The following SERPINE3 variants were observed in gnomAD, a reference collection of about 807,000 sequenced individuals.
SERPINE3 encodes the protein serpin E3.
In SERPINE3, 43 loss-of-function variants were observed where a neutral mutation model predicts 41.7. That is an observed-to-expected ratio of 1.03 (90% CI 0.81 to 1.33). The LOEUF is 1.33. SERPINE3 is among the 40% of genes most tolerant of loss of function. The probability of loss-of-function intolerance (pLI) is 0.00; values close to 1 mark genes in which losing one functional copy is unlikely to be tolerated. For missense variants in SERPINE3, 440 were observed against 491.7 expected, an observed-to-expected ratio of 0.89 and a Z score of 0.99; for synonymous variants, 200 against 192.2, an observed-to-expected ratio of 1.04 and a Z score of -0.34.
At position 51,340,852 on chromosome 13, in the gene SERPINE3, A is replaced by G; in HGVS notation, c.-27A>G. On this transcript the variant is annotated 5_prime_UTR_variant, in exon 2 of 10. Transcript: ENST00000681248. Reference sequence around the variant, plus strand: ...CTTCAGACCCACAGTTTGGCTGCCAAAGGACCACAGTGAGTATTTCTAATG... The same window carrying G: ...CTTCAGACCCACAGTTTGGCTGCCAGAGGACCACAGTGAGTATTTCTAATG... The G allele has an allele frequency of 1.8e-6, 1 of 568,982 alleles. No individual in the cohort carries two copies. The highest frequency in any genetic ancestry group is 2.2e-5 in the South Asian group (1 of 45,254). The allele number at this position is 568,982 out of a possible 1,614,324, so 35.2% of individuals were successfully genotyped here. A position where few individuals can be genotyped will look rare whatever the true frequency, so the allele number is the denominator to read the frequency against.
chr13:51,350,831 T>C (rs1327685226), intron 6 of SERPINE3, among the ~76,000 whole-genome samples: 1 of 152,128 alleles, frequency 6.6e-6, no homozygotes, highest in Non-Finnish European at 1.5e-5. Context: ...CTGATCTATT[T>C]GCTCTCAATA....
chr13:51,344,525 G>T, intron 4 of SERPINE3, 40 bp downstream of exon 4: 1 of 1,472,542 alleles, frequency 6.8e-7, no homozygotes. Context: ...CTAAGGCAGA[G>T]GGCTGCAGAG....
chr13:51,342,434 A>G (rs1350443659), intron 3 of SERPINE3, among the ~76,000 whole-genome samples: 1 of 152,226 alleles, frequency 6.6e-6, no homozygotes, highest in Non-Finnish European at 1.5e-5. Context: ...AAAAGCATTC[A>G]GTGTGATCAG....
At chr13:51,360,420 T>C in intron 7 of SERPINE3, among the ~76,000 whole-genome samples, 1 of 152,044 alleles carries the variant, frequency 6.6e-6, no homozygotes, top group Non-Finnish European at 1.5e-5. Flanking sequence ...CACTCTAAAA[T>C]GAAAGGATTG....
At chr13:51,361,507 A>C in intron 8 of SERPINE3, 143 bp downstream of exon 8, 1 of 639,152 alleles carries the variant, frequency 1.6e-6, no homozygotes, top group Non-Finnish European at 2.7e-6. Context: ...GGAACACTAA[A>C]GAAAACAAAA....
In SERPINE3 at chr13:51,344,488, A is replaced by G. The variant is rs1226172198; in HGVS notation, c.490+3A>G. ...AGGGGCCTCCAGAGAGACTGCAGGT[A>G]AAAGAAAACTGTACATTTCAACAAG... On this transcript the variant is annotated splice_donor_region_variant and intron_variant, in intron 4 of 9. Transcript: ENST00000681248. 6.4e-7 allele frequency: 1 copy of G among 1,561,676 alleles called. No homozygotes were observed. The highest frequency in any genetic ancestry group is 8.7e-7 in the Non-Finnish European group (1 of 1,150,718).
At chr13:51,359,623 TAC>T (rs1955530959) in intron 7 of SERPINE3, among the ~76,000 whole-genome samples, 1 of 152,118 alleles carries the variant, frequency 6.6e-6, no homozygotes, top group South Asian at 2.1e-4. Context: ...CCCAGACTAA[TAC>T]AGACACATTT....
intron 6 of SERPINE3, among the ~76,000 whole-genome samples, chr13:51,354,682 G>A (rs1955453247): frequency 2.6e-5 from 4 of 152,102 alleles, no homozygotes. Flanking sequence ...ATAGGAAGCA[G>A]AATGTTCTAT....
At position 51,347,197 on chromosome 13, in the gene SERPINE3, G is replaced by A; in HGVS notation, c.663G>A (p.Gln221=). 6.2e-7 allele frequency: 1 copy of A among 1,613,976 alleles called. No homozygotes were observed. The highest frequency in any genetic ancestry group is 8.5e-7 in the Non-Finnish European group (1 of 1,179,870). ...PFTCAYGLVL[Q]VPMMHQTTEV... Reference sequence around the variant, plus strand: ...CCTGTGCCTATGGCCTCGTCCTTCAGGTCCCCATGATGCACCAAACGACCG... The same window carrying A: ...CCTGTGCCTATGGCCTCGTCCTTCAAGTCCCCATGATGCACCAAACGACCG... Residue 221 remains glutamine, a synonymous_variant, in exon 5 of 10, where the codon CAG becomes CAA. Transcript: ENST00000681248.
intron 6 of SERPINE3, chr13:51,354,077 T>C (rs1428987768): frequency 6.6e-6 from 1 of 152,174 alleles, no homozygotes; most frequent in African/African-American, 2.4e-5. Context: ...ACACAGCAAA[T>C]ATGAAAATAT....
At chr13:51,357,624 C>T (rs1955499962) in intron 7 of SERPINE3, among the ~76,000 whole-genome samples, 1 of 152,024 alleles carries the variant, frequency 6.6e-6, no homozygotes, top group Non-Finnish European at 1.5e-5. Flanking sequence ...CTTAAGGACT[C>T]ATTCAATATT....
intron 6 of SERPINE3, among the ~76,000 whole-genome samples, chr13:51,348,845 T>A (rs1955378338): frequency 6.6e-6 from 1 of 152,266 alleles, no homozygotes; most frequent in African/African-American, 2.4e-5. Context: ...CTTACGTAAT[T>A]GAGCAAGTAC....
chr13:51,360,139 T>C (rs552778862), intron 7 of SERPINE3, among the ~76,000 whole-genome samples: 2 of 152,118 alleles, frequency 1.3e-5, no homozygotes, highest in Non-Finnish European at 2.9e-5. Flanking sequence ...TCATGGGCTA[T>C]CTCCTGTGTG....
At chr13:51,354,160 C>T (rs963370434) in intron 6 of SERPINE3, 2 of 151,964 alleles carry the variant, frequency 1.3e-5, no homozygotes, top group African/African-American at 4.8e-5. Flanking sequence ...AGTCAACAGC[C>T]TCTTTTCTGC....
In SERPINE3 at chr13:51,343,089, AG is replaced by A. The variant is rs775467115; in HGVS notation, c.257-1159del. On this transcript the variant is annotated intron_variant, in intron 3 of 9. Coordinates refer to ENST00000681248, the MANE Select transcript of SERPINE3 (RefSeq NM_001386375.1). The stretch of plus-strand genomic sequence containing the variant: ...CCAGAGAACATTAGCCAGGAAACTC[AG>A]GGGTCTGCTGCTGCCTCCTGGCTTG... Among the ~76,000 whole-genome samples the A allele has an allele frequency of 7.9e-5, 12 of 152,288 alleles. No individual in the cohort carries two copies. In the East Asian group the frequency reaches 2.3e-3, roughly 29 times the overall value.
chr13:51,360,797 A>G (rs1373218442), intron 7 of SERPINE3, among the ~76,000 whole-genome samples: 1 of 152,060 alleles, frequency 6.6e-6, no homozygotes, highest in Non-Finnish European at 1.5e-5. Context: ...TTGTCATTTA[A>G]AAGTGGCTCT....
At position 51,344,334 on chromosome 13, in the gene SERPINE3, C is replaced by T. The variant is rs1955324168; in HGVS notation, c.339C>T (p.Cys113=). The part of the protein sequence containing the change: ...SSQGTEMELA[C]SLFVQVGTPL... ...AAGGCACCGAGATGGAGCTGGCCTG[C>T]AGCCTTTTTGTGCAAGTGGGAACGC... The change falls in exon 4 of 10, where the codon TGC becomes TGT. Residue 113 remains cysteine, a synonymous_variant. Coordinates refer to ENST00000681248, the MANE Select transcript of SERPINE3 (RefSeq NM_001386375.1). 6.2e-7 allele frequency: 1 copy of T among 1,613,982 alleles called. No individual in the cohort carries two copies. Among genetic ancestry groups the T allele is most frequent in the Non-Finnish European group, 8.5e-7 (1 of 1,179,886 alleles).
rs528612032 is a variant in SERPINE3, at chr13:51,355,287, T to C, written c.1000+144T>C. 2.9e-5 allele frequency: 17 copies of C among 577,464 alleles called. 1 individual carries two copies. In the South Asian group the frequency reaches 3.0e-4, roughly 10 times the overall value. 35.8% of individuals were successfully genotyped at this position (577,464 alleles called of 1,614,324 possible). A position where few individuals can be genotyped will look rare whatever the true frequency, so the allele number is the denominator to read the frequency against. On this transcript the variant is annotated intron_variant, in intron 7 of 9. Transcript: ENST00000681248. ...CTGTTTTATATAAGAATGTGTTGCT[T>C]CTAATAACAGTCAAATTTGGGTTAG...
intron 5 of SERPINE3, among the ~76,000 whole-genome samples, chr13:51,347,624 TTCAGTTATCCGCA>T (rs1271911040): frequency 6.6e-6 from 1 of 152,172 alleles, no homozygotes; most frequent in Non-Finnish European, 1.5e-5. Flanking sequence ...TTTTTGAGGT[TTCAGTTATCCGCA>T]TCAGAAAATA....
Sources: allele counts gnomAD v4.1 joint callset (sites outside exome capture counted in the v4.1 genomes callset), GRCh38; gene constraint gnomAD v4.1.1; transcripts MANE v1.5; gene names NCBI Gene and HGNC (gene_info 2026-07-23, HGNC 2026-07-21).